The following ZNF652 variants were observed in gnomAD, a reference collection of about 807,000 sequenced individuals.
The protein encoded by ZNF652 is zinc finger protein 652.
In ZNF652, 16 loss-of-function variants were observed where a neutral mutation model predicts 45.2. The observed-to-expected ratio is 0.35, with a 90% CI of 0.24 to 0.54. The LOEUF (loss-of-function observed/expected upper bound fraction) is 0.54, where lower values mean the gene tolerates loss of function less well. Among genes scored for constraint, ZNF652 ranks in the 20% least tolerant of loss-of-function variants. ZNF652 has a pLI of 0.91. For missense variants in ZNF652, 614 were observed against 765.6 expected (o/e 0.80, Z 2.34); for synonymous variants, 250 against 260.6 (o/e 0.96, Z 0.39).
intron 1 of ZNF652, among the ~76,000 whole-genome samples, chr17:49,351,019 A>G (rs2070274632): frequency 7.8e-5 from 2 of 25,512 alleles, no homozygotes; most frequent in South Asian, 1.1e-3. Flanking sequence ...ATATATACAC[A>G]CACACACACA....
intron 1 of ZNF652, among the ~76,000 whole-genome samples, chr17:49,346,357 C>T (rs770233523): frequency 9.2e-5 from 14 of 152,196 alleles, no homozygotes; most frequent in Non-Finnish European, 1.6e-4. Flanking sequence ...TCGAGACCAA[C>T]CTGGCCAATG....
At chr17:49,326,066 C>T (rs189609617) in intron 1 of ZNF652, among the ~76,000 whole-genome samples, 1 of 151,672 alleles carries the variant, frequency 6.6e-6, no homozygotes, top group Non-Finnish European at 1.5e-5. Context: ...CATCTGTACT[C>T]AAAATTAAGT....
chr17:49,312,159 CTT>C (rs34553823), intron 3 of ZNF652, 117 bp from the exon 4 acceptor site: 12,967 of 136,708 alleles, frequency 0.095, 14 homozygotes, highest in South Asian at 0.14. Context: ...ATTTGTGAGG[CTT>C]TTTTTTTTTT....
chr17:49,329,314 T>C (rs1039322892), intron 1 of ZNF652, among the ~76,000 whole-genome samples: 2 of 152,198 alleles, frequency 1.3e-5, no homozygotes, highest in East Asian at 1.9e-4. Flanking sequence ...GTATGTAAAG[T>C]AGAAGTTATA....
At chr17:49,308,234 T>C (rs2069659916) in intron 5 of ZNF652, among the ~76,000 whole-genome samples, 1 of 152,022 alleles carries the variant, frequency 6.6e-6, no homozygotes, top group South Asian at 2.1e-4. Context: ...CAGGCTGGAG[T>C]GACACAATCA....
chr17:49,339,760 C>T (rs1319617362), intron 1 of ZNF652, among the ~76,000 whole-genome samples: 1 of 152,182 alleles, frequency 6.6e-6, no homozygotes, highest in Non-Finnish European at 1.5e-5. Flanking sequence ...AGAGCTGCTC[C>T]GCTGTGCCAC....
At chr17:49,307,221 G>C (rs2069641803) in intron 5 of ZNF652, among the ~76,000 whole-genome samples, 1 of 151,526 alleles carries the variant, frequency 6.6e-6, no homozygotes, top group Non-Finnish European at 1.5e-5. Flanking sequence ...GATCACCTGA[G>C]GTCAGGAGTT....
intron 1 of ZNF652, among the ~76,000 whole-genome samples, chr17:49,336,687 C>T (rs112320646): frequency 1.6e-3 from 245 of 150,046 alleles, no homozygotes; most frequent in African/African-American, 5.2e-3. Context: ...AGTACAAAGA[C>T]GCAATCTCGG....
At chr17:49,353,103 A>G (rs1299364900) in intron 1 of ZNF652, among the ~76,000 whole-genome samples, 1 of 152,166 alleles carries the variant, frequency 6.6e-6, no homozygotes, top group Non-Finnish European at 1.5e-5. Flanking sequence ...CAAAATGTCA[A>G]TTTTACTGTA....
intron 5 of ZNF652, among the ~76,000 whole-genome samples, chr17:49,299,225 AAAG>A (rs949969501): frequency 3.9e-5 from 6 of 152,158 alleles, no homozygotes; most frequent in South Asian, 2.1e-4. Flanking sequence ...GGCTTAGATA[AAAG>A]AAGAAGATAA....
intron 1 of ZNF652, among the ~76,000 whole-genome samples, chr17:49,344,518 ATTTTTT>A (rs35027750): frequency 9.1e-6 from 1 of 110,108 alleles, no homozygotes. Flanking sequence ...TCAAAGCAAA[ATTTTTT>A]TTTTTTTTTT....
At chr17:49,361,045 T>C (rs1156666725) in intron 1 of ZNF652, 1 of 152,186 alleles carries the variant, frequency 6.6e-6, no homozygotes, top group African/African-American at 2.4e-5. Flanking sequence ...ACAAGCACAT[T>C]CCTTTGATTG....
chr17:49,311,206 C>T, intron 5 of ZNF652, 106 bp downstream of exon 5: 1 of 1,245,454 alleles, frequency 8.0e-7, no homozygotes, highest in Non-Finnish European at 1.1e-6. Context: ...GGGATTTTTG[C>T]TTTGAATGCA....
chr17:49,306,433 G>A (rs987073033), intron 5 of ZNF652, among the ~76,000 whole-genome samples: 6 of 152,162 alleles, frequency 3.9e-5, no homozygotes, highest in Non-Finnish European at 8.8e-5. Context: ...CTGGACAAAT[G>A]AGTATTTTCC....
At chr17:49,312,979 A>G in intron 2 of ZNF652, 134 bp from the exon 3 acceptor site, 1 of 780,356 alleles carries the variant, frequency 1.3e-6, no homozygotes. Flanking sequence ...TCTTCCACAG[A>G]GCCCAGATTC....
At chr17:49,302,815 A>G (rs2069572855) in intron 5 of ZNF652, among the ~76,000 whole-genome samples, 1 of 151,480 alleles carries the variant, frequency 6.6e-6, no homozygotes, top group African/African-American at 2.4e-5. Context: ...TACAAAAATT[A>G]GCCGGGTGTG....
intron 1 of ZNF652, among the ~76,000 whole-genome samples, chr17:49,348,593 A>G (rs1019971726): frequency 6.6e-6 from 1 of 152,116 alleles, no homozygotes; most frequent in African/African-American, 2.4e-5. Context: ...GGAGAGAAAG[A>G]AAACAAACCT....
intron 1 of ZNF652, among the ~76,000 whole-genome samples, chr17:49,335,274 G>C (rs2070068290): frequency 6.6e-6 from 1 of 152,124 alleles, no homozygotes; most frequent in Admixed American, 6.6e-5. Context: ...ACTGCAACCT[G>C]GTCACAGTGC....
At chr17:49,331,628 C>T (rs1452093565) in intron 1 of ZNF652, among the ~76,000 whole-genome samples, 1 of 141,682 alleles carries the variant, frequency 7.1e-6, no homozygotes, top group Non-Finnish European at 1.5e-5. Context: ...GTCTTTATTA[C>T]ACTCTTGTAT....
Sources: allele counts gnomAD v4.1 joint callset (sites outside exome capture counted in the v4.1 genomes callset), GRCh38; gene constraint gnomAD v4.1.1; transcripts MANE v1.5; gene names NCBI Gene and HGNC (gene_info 2026-07-23, HGNC 2026-07-21).